The following ATP5MG variants were observed in gnomAD, a reference collection of about 807,000 sequenced individuals.
ATP5MG encodes the protein ATP synthase membrane subunit g, also known as ATP synthase F(0) complex subunit g, mitochondrial.
In ATP5MG, 7 loss-of-function variants were observed where a neutral mutation model predicts 12.7. The observed-to-expected ratio is 0.55, with a 90% CI of 0.31 to 1.04. The LOEUF is 1.04. ATP5MG is among the 50% of genes least tolerant of loss of function. The pLI is 0.05. For missense variants in ATP5MG, 116 were observed against 126.7 expected (o/e 0.92, Z 0.41); for synonymous variants, 53 against 48.2 (o/e 1.10, Z -0.41).
intron 2 of ATP5MG, among the ~76,000 whole-genome samples, chr11:118,407,901 G>A (rs181921439): frequency 2.0e-5 from 3 of 152,136 alleles, no homozygotes; most frequent in East Asian, 1.9e-4. Flanking sequence ...AGTGGCTCAC[G>A]CCTGTAATCC....
In ATP5MG at chr11:118,407,105, C is replaced by A. The variant is rs556449658; in HGVS notation, c.213+8C>A. On this transcript the variant is annotated splice_region_variant and intron_variant, in intron 2 of 2. Transcript: ENST00000300688. ...AAACAGCTCACAGTTAAGGTAACCA[C>A]GGGCTAAATGAAAACGGATGTGCAT... is the stretch of plus-strand genomic sequence containing the variant. 6 of 1,613,784 alleles carry A rather than the reference C, an allele frequency of 3.7e-6. No homozygotes were observed. The highest frequency in any genetic ancestry group is 5.1e-6 in the Non-Finnish European group (6 of 1,179,956).
chr11:118,405,446 A>G (rs951102266), intron 1 of ATP5MG, among the ~76,000 whole-genome samples: 8 of 152,092 alleles, frequency 5.3e-5, no homozygotes, highest in Middle Eastern at 3.2e-3. Flanking sequence ...TCTACCATTC[A>G]TTATGTTTTA....
At chr11:118,402,312 C>A (rs539584362) in intron 1 of ATP5MG, among the ~76,000 whole-genome samples, 4 of 152,172 alleles carry the variant, frequency 2.6e-5, no homozygotes, top group Admixed American at 6.5e-5. Flanking sequence ...AGGACGGGAT[C>A]CGTATAAACA....
chr11:118,403,492 T>A (rs1443500132), intron 1 of ATP5MG, among the ~76,000 whole-genome samples: 4 of 138,304 alleles, frequency 2.9e-5, no homozygotes, highest in African/African-American at 1.1e-4. Flanking sequence ...CGAGGCTAGG[T>A]CTCAAAAAAA....
At chr11:118,408,636 G>A (rs985426393) in intron 2 of ATP5MG, among the ~76,000 whole-genome samples, 14 of 152,100 alleles carry the variant, frequency 9.2e-5, no homozygotes, top group African/African-American at 2.9e-4. Context: ...CCTTCCTATA[G>A]CCATCCTATC....
rs1949002025 is a variant in ATP5MG, at chr11:118,409,843, C to A, written c.*745C>A. On this transcript the variant is annotated 3_prime_UTR_variant, in exon 3 of 3. Transcript: ENST00000300688. ...TATCCTGAAATAAATGAAATGATTG[C>A]TATAGTCTGTCTTCTGGAGCGATTT... The A allele has an allele frequency of 6.6e-6, 1 of 152,138 alleles. No homozygotes were observed. The highest frequency in any genetic ancestry group is 2.4e-5 in the African/African-American group (1 of 41,424). The allele number at this position is 152,138 out of a possible 1,614,324, so 9.4% of individuals were successfully genotyped here.
chr11:118,406,662 GTAC>G (rs782340337), intron 1 of ATP5MG: 2 of 432,770 alleles, frequency 4.6e-6, no homozygotes, highest in Non-Finnish European at 8.6e-6. Context: ...ATGAAGTACA[GTAC>G]TAGCTGGCCA....
chr11:118,405,194 C>T (rs1338417846), intron 1 of ATP5MG, among the ~76,000 whole-genome samples: 1 of 152,140 alleles, frequency 6.6e-6, no homozygotes, highest in Non-Finnish European at 1.5e-5. Flanking sequence ...TAGGTCCTCT[C>T]ATTTGACAGG....
rs529674499 is a variant in ATP5MG at position 118,406,804 on chromosome 11, G to C, written c.53-133G>C. 28 of 1,348,998 alleles carry C rather than the reference G, an allele frequency of 2.1e-5. No individual in the cohort carries two copies. In the African/African-American group the frequency reaches 4.1e-4, roughly 20 times the overall value. The allele number at this position is 1,348,998 out of a possible 1,614,324, so 83.6% of individuals were successfully genotyped here. A position where few individuals can be genotyped will look rare whatever the true frequency, so the allele number is the denominator to read the frequency against. ...GGAGCAGCTTTGACTTTTCACACCGGGTGCACATTTGGTACAAGCAGTGAA... is the reference window on the plus strand; with the variant it reads ...GGAGCAGCTTTGACTTTTCACACCGCGTGCACATTTGGTACAAGCAGTGAA... On this transcript the variant is annotated intron_variant, in intron 1 of 2. Transcript: ENST00000300688.
rs1214338823 is a variant in ATP5MG, at chr11:118,409,206, G to A, written c.*108G>A. 4.4e-6 allele frequency: 3 copies of A among 678,764 alleles called. No homozygotes were observed. The highest frequency in any genetic ancestry group is 6.5e-6 in the Non-Finnish European group (3 of 461,030). 42.0% of individuals were successfully genotyped at this position (678,764 alleles called of 1,614,324 possible). On this transcript the variant is annotated 3_prime_UTR_variant, in exon 3 of 3. Transcript: ENST00000300688. The stretch of plus-strand genomic sequence containing the variant: ...AAAATAAGATTTGTCAAAACTCAGT[G>A]TTTTCTCCATCAGATACTCCATGAA...
intron 1 of ATP5MG, among the ~76,000 whole-genome samples, chr11:118,402,696 C>CTTTTTTTTTTT (rs782335353): frequency 3.1e-5 from 4 of 128,220 alleles, no homozygotes; most frequent in South Asian, 5.0e-4. Context: ...TTCTTTCTTT[C>CTTTTTTTTTTT]TTTTTTTTTT....
At chr11:118,401,746 G>C in intron 1 of ATP5MG, 29 bp downstream of exon 1, 17 of 1,605,514 alleles carry the variant, frequency 1.1e-5, no homozygotes, top group Non-Finnish European at 1.4e-5. Flanking sequence ...CGCCGAGGCG[G>C]GCACACGGGC....
At chr11:118,402,487 A>G (rs563969380) in intron 1 of ATP5MG, among the ~76,000 whole-genome samples, 7 of 152,244 alleles carry the variant, frequency 4.6e-5, no homozygotes, top group African/African-American at 1.7e-4. Flanking sequence ...CAAGCTATTC[A>G]TTTTATTCCT....
chr11:118,403,067 C>T (rs1948942764), intron 1 of ATP5MG, among the ~76,000 whole-genome samples: 1 of 152,162 alleles, frequency 6.6e-6, no homozygotes, highest in Admixed American at 6.5e-5. Context: ...TGAAGGCTGT[C>T]CTGCAGAACC....
intron 1 of ATP5MG, 69 bp downstream of exon 1, chr11:118,401,786 A>G (rs2134123782): frequency 6.4e-7 from 1 of 1,567,838 alleles, no homozygotes; most frequent in Non-Finnish European, 8.7e-7. Context: ...GCCTGAGAGG[A>G]AGAAGCGGGC....
intron 1 of ATP5MG, chr11:118,406,692 A>G (rs1245566329): frequency 1.9e-6 from 1 of 516,466 alleles, no homozygotes; most frequent in Non-Finnish European, 3.5e-6. Flanking sequence ...AAGTACTGGC[A>G]TAATTGAATG....
At chr11:118,405,405 C>T (rs995111385) in intron 1 of ATP5MG, among the ~76,000 whole-genome samples, 6 of 152,210 alleles carry the variant, frequency 3.9e-5, no homozygotes, top group African/African-American at 1.4e-4. Flanking sequence ...TAACATCACT[C>T]AACCTCCACT....
chr11:118,404,453 A>T (rs1565546033), intron 1 of ATP5MG, among the ~76,000 whole-genome samples: 1 of 152,116 alleles, frequency 6.6e-6, no homozygotes, highest in Non-Finnish European at 1.5e-5. Flanking sequence ...TGACCTTGAC[A>T]GTTTTAAGGT....
intron 2 of ATP5MG, among the ~76,000 whole-genome samples, chr11:118,407,648 G>A (rs1555132346): frequency 6.6e-6 from 1 of 151,918 alleles, no homozygotes; most frequent in African/African-American, 2.4e-5. Context: ...TAGGAGGATC[G>A]CTTGAGGCCA....
Sources: allele counts gnomAD v4.1 joint callset (sites outside exome capture counted in the v4.1 genomes callset), GRCh38; gene constraint gnomAD v4.1.1; transcripts MANE v1.5; gene names NCBI Gene and HGNC (gene_info 2026-07-23, HGNC 2026-07-21).